PCBP3: variants seen among roughly 807,000 people sequenced by gnomAD.
The protein encoded by PCBP3 is poly(rC) binding protein 3.
PCBP3 carries 25 observed loss-of-function variants against 52.7 expected under a neutral mutation model. That is an observed-to-expected ratio of 0.47 (90% confidence interval 0.35 to 0.66). PCBP3 has a LOEUF of 0.66. Among genes scored for constraint, PCBP3 ranks in the 30% least tolerant of loss-of-function variants. The probability of loss-of-function intolerance (pLI) is 0.01; values close to 1 mark genes in which losing one functional copy is unlikely to be tolerated. For missense variants in PCBP3, 391 were observed against 490.3 expected, an observed-to-expected ratio of 0.80 and a Z score of 1.91; for synonymous variants, 162 against 183.0, an observed-to-expected ratio of 0.89 and a Z score of 0.93.
chr21:45,846,032 G>A (rs905104694), intron 4 of PCBP3, among the ~76,000 whole-genome samples: 3 of 152,166 alleles, frequency 2.0e-5, no homozygotes, highest in Non-Finnish European at 2.9e-5. Flanking sequence ...GCATTTCCAC[G>A]TGGAGATTCC....
chr21:45,679,253 T>C (rs1292264490), intron 2 of PCBP3, among the ~76,000 whole-genome samples: 1 of 152,088 alleles, frequency 6.6e-6, no homozygotes, highest in Admixed American at 6.5e-5. Flanking sequence ...CCTGAGTAGC[T>C]GGGATTATAG....
At chr21:45,861,903 C>T (rs2094524625) in intron 5 of PCBP3, among the ~76,000 whole-genome samples, 1 of 152,174 alleles carries the variant, frequency 6.6e-6, no homozygotes, top group South Asian at 2.1e-4. Context: ...ATCAATGTAT[C>T]ACTCACCATT....
chr21:45,796,630 C>A (rs2146536245), intron 4 of PCBP3, among the ~76,000 whole-genome samples: 1 of 151,942 alleles, frequency 6.6e-6, no homozygotes, highest in Middle Eastern at 3.4e-3. Context: ...GTTCTGTGAC[C>A]TCAGTTGTTT....
At chr21:45,740,170 C>T (rs1448098788) in intron 3 of PCBP3, among the ~76,000 whole-genome samples, 2 of 152,214 alleles carry the variant, frequency 1.3e-5, no homozygotes, top group African/African-American at 2.4e-5. Context: ...GGGGCTAAGT[C>T]GCGTTTCCTC....
At chr21:45,691,200 A>G (rs2082440767) in intron 2 of PCBP3, among the ~76,000 whole-genome samples, 1 of 151,942 alleles carries the variant, frequency 6.6e-6, no homozygotes, top group Non-Finnish European at 1.5e-5. Context: ...GTATGGATTC[A>G]TCTTAAAAAT....
chr21:45,874,555 G>A (rs1279141728), intron 5 of PCBP3, among the ~76,000 whole-genome samples: 3 of 149,750 alleles, frequency 2.0e-5, no homozygotes, highest in Non-Finnish European at 4.4e-5. Context: ...TCCCGGGCTG[G>A]AGTGCAGTGG....
At chr21:45,896,479 G>A in intron 6 of PCBP3, 117 bp downstream of exon 6, 1 of 985,534 alleles carries the variant, frequency 1.0e-6, no homozygotes, top group South Asian at 1.6e-5. Context: ...TAGAACCGGA[G>A]ATGCACTGCC....
chr21:45,803,126 T>C (rs563494323), intron 4 of PCBP3, among the ~76,000 whole-genome samples: 9 of 152,340 alleles, frequency 5.9e-5, no homozygotes, highest in African/African-American at 2.2e-4. Context: ...GCCTCCAGCC[T>C]GGTGTGCCTG....
chr21:45,693,562 C>T (rs2082605156), intron 2 of PCBP3, among the ~76,000 whole-genome samples: 1 of 152,012 alleles, frequency 6.6e-6, no homozygotes, highest in South Asian at 2.1e-4. Context: ...TAAGGTAAAT[C>T]ATTCCCCAAT....
At chr21:45,863,587 G>A (rs776740916) in intron 5 of PCBP3, among the ~76,000 whole-genome samples, 16 of 152,216 alleles carry the variant, frequency 1.1e-4, no homozygotes, top group African/African-American at 1.9e-4. Context: ...CATGTCACGC[G>A]GCTCCCGCCC....
rs571872555 is a variant in PCBP3, at chr21:45,931,457, A to G, written c.856+612A>G. Among the ~76,000 whole-genome samples the G allele has an allele frequency of 9.8e-5, 15 of 152,354 alleles. No homozygotes were observed. The South Asian group carries it at 3.1e-3, about 32-fold the overall frequency. On this transcript the variant is annotated intron_variant, in intron 15 of 17. Coordinates refer to ENST00000681687, the MANE Select transcript of PCBP3 (RefSeq NM_001384156.1). ...GCCCTGAGGACTGCAGTGCACACAC[A>G]TGCCAGCCACAGCAGGGTTAAATTG...
At chr21:45,924,962 G>C (rs1186663717) in intron 13 of PCBP3, among the ~76,000 whole-genome samples, 1 of 58,566 alleles carries the variant, frequency 1.7e-5, no homozygotes, top group African/African-American at 1.4e-4. Flanking sequence ...CGAACACCGG[G>C]AACAGTCGTG....
intron 5 of PCBP3, among the ~76,000 whole-genome samples, chr21:45,850,582 C>G (rs916820107): frequency 4.1e-4 from 62 of 152,268 alleles, no homozygotes; most frequent in African/African-American, 1.3e-3. Context: ...GATACAATTG[C>G]AAGGAACGTT....
intron 4 of PCBP3, among the ~76,000 whole-genome samples, chr21:45,811,090 C>T (rs548538412): frequency 2.0e-5 from 3 of 151,892 alleles, no homozygotes; most frequent in African/African-American, 7.2e-5. Context: ...TTATATTAAC[C>T]TTCTTTTCTT....
intron 2 of PCBP3, among the ~76,000 whole-genome samples, chr21:45,674,851 G>A (rs895372546): frequency 6.6e-6 from 1 of 152,002 alleles, no homozygotes; most frequent in African/African-American, 2.4e-5. Flanking sequence ...TCTTCTCCTC[G>A]GCTCCTGGAA....
At chr21:45,689,041 T>C (rs1346740063) in intron 2 of PCBP3, among the ~76,000 whole-genome samples, 1 of 152,036 alleles carries the variant, frequency 6.6e-6, no homozygotes, top group Admixed American at 6.6e-5. Context: ...AATTTTTTTT[T>C]CAGAAAATGG....
chr21:45,751,379 G>C (rs77013581), intron 3 of PCBP3: 3 of 152,002 alleles, frequency 2.0e-5, no homozygotes, highest in Non-Finnish European at 4.4e-5. Context: ...GTTTTTAAGC[G>C]TATAATTCAG....
intron 4 of PCBP3, among the ~76,000 whole-genome samples, chr21:45,801,954 G>A (rs974937293): frequency 6.6e-6 from 1 of 152,046 alleles, no homozygotes; most frequent in African/African-American, 2.4e-5. Flanking sequence ...CATCCCTCCC[G>A]AACATCTCAG....
At chr21:45,913,632 T>C (rs426594) in intron 11 of PCBP3, among the ~76,000 whole-genome samples, 102,760 of 152,186 alleles carry the variant, frequency 0.68, 35,643 homozygotes, top group African/African-American at 0.81. Context: ...TGGGACTGAC[T>C]CTCCGCACTG....
Sources: allele counts gnomAD v4.1 joint callset (sites outside exome capture counted in the v4.1 genomes callset), GRCh38; gene constraint gnomAD v4.1.1; transcripts MANE v1.5; gene names NCBI Gene and HGNC (gene_info 2026-07-23, HGNC 2026-07-21).